Variants in SLC24A3 observed in about 807,000 individuals in gnomAD.
SLC24A3 encodes solute carrier family 24 member 3.
In SLC24A3, 28 loss-of-function variants were observed where a neutral mutation model predicts 75.8. The observed-to-expected ratio is 0.37, with a 90% CI of 0.27 to 0.51. The LOEUF (loss-of-function observed/expected upper bound fraction) is 0.51. Among genes scored for constraint, SLC24A3 ranks in the 20% least tolerant of loss-of-function variants. The pLI, the probability that SLC24A3 is intolerant of heterozygous loss-of-function variation, is 0.94. For synonymous variants in SLC24A3, 372 were observed against 334.1 expected, an observed-to-expected ratio of 1.11 and a Z score of -1.24; for missense variants, 663 against 847.8, an observed-to-expected ratio of 0.78 and a Z score of 2.71.
chr20:19,386,291 T>C (rs1248782174), intron 2 of SLC24A3, among the ~76,000 whole-genome samples: 1 of 152,232 alleles, frequency 6.6e-6, no homozygotes, highest in Admixed American at 6.5e-5. Flanking sequence ...TTACTGAATT[T>C]ATTTATCAGT....
chr20:19,348,181 G>A (rs558047768), intron 2 of SLC24A3, among the ~76,000 whole-genome samples: 13 of 152,270 alleles, frequency 8.5e-5, no homozygotes, highest in East Asian at 3.9e-4. Context: ...GTGGGGTTTC[G>A]GTTTCACACT....
At chr20:19,596,289 AT>A (rs551654159) in intron 6 of SLC24A3, among the ~76,000 whole-genome samples, 186 of 152,288 alleles carry the variant, frequency 1.2e-3, no homozygotes, top group African/African-American at 3.8e-3. Flanking sequence ...TGTCTTTAGA[AT>A]ATTTTTTGGA....
chr20:19,579,974 A>T, intron 3 of SLC24A3, 26 bp from the exon 4 acceptor site: 2 of 1,579,194 alleles, frequency 1.3e-6, no homozygotes, highest in Non-Finnish European at 1.7e-6. Context: ...CTCTAACTTT[A>T]ACCCCTTTTA....
chr20:19,526,148 G>A (rs943599433), intron 3 of SLC24A3, among the ~76,000 whole-genome samples: 3 of 152,118 alleles, frequency 2.0e-5, no homozygotes, highest in Non-Finnish European at 4.4e-5. Flanking sequence ...CCTACCCACT[G>A]AGCCATGAAG....
chr20:19,343,683 A>G (rs927959160), intron 2 of SLC24A3, among the ~76,000 whole-genome samples: 1 of 152,178 alleles, frequency 6.6e-6, no homozygotes, highest in African/African-American at 2.4e-5. Flanking sequence ...GGGTGGCACC[A>G]AGTGAGAGCA....
intron 2 of SLC24A3, among the ~76,000 whole-genome samples, chr20:19,297,876 G>A (rs2122242312): frequency 6.6e-6 from 1 of 152,352 alleles, no homozygotes; most frequent in South Asian, 2.1e-4. Flanking sequence ...TTCCAAAGCA[G>A]AACCATGAAC....
intron 6 of SLC24A3, among the ~76,000 whole-genome samples, chr20:19,615,953 A>G (rs6136795): frequency 0.61 from 92,753 of 152,032 alleles, 29,691 homozygotes; most frequent in Non-Finnish European, 0.7. Flanking sequence ...CAGACAGCCT[A>G]TGGTGGGACT....
chr20:19,547,529 T>C (rs1600275601), intron 3 of SLC24A3, among the ~76,000 whole-genome samples: 2 of 152,366 alleles, frequency 1.3e-5, no homozygotes, highest in East Asian at 3.9e-4. Flanking sequence ...TTTTGTGATA[T>C]GTAAATTATA....
intron 6 of SLC24A3, among the ~76,000 whole-genome samples, chr20:19,586,966 T>A (rs6106108): frequency 0.15 from 23,056 of 152,248 alleles, 1,884 homozygotes; most frequent in African/African-American, 0.21. Flanking sequence ...AGTATTTTTT[T>A]AAAAAATGAG....
chr20:19,299,343 T>C (rs1043273790), intron 2 of SLC24A3, among the ~76,000 whole-genome samples: 1 of 152,130 alleles, frequency 6.6e-6, no homozygotes, highest in Non-Finnish European at 1.5e-5. Flanking sequence ...TGGGCTCAGC[T>C]GAATGGGTGA....
In SLC24A3 at chr20:19,679,540, G is replaced by GGGGAGA. The variant is rs1229290713; in HGVS notation, c.768-2293_768-2288dup. 8.6e-3 allele frequency among the ~76,000 whole-genome samples: 706 copies of GGGGAGA among 81,650 alleles called. 4 individuals carry two copies. The highest frequency in any genetic ancestry group is 0.023 in the African/African-American group (631 of 27,096). 53.6% of individuals were successfully genotyped at this position (81,650 alleles called of 152,430 possible). ...GTGGGGAGAGGGAGACCGTGGGGAGGGGGAGAGGGAGAGGGAGAGGGAGAG... is the reference window on the plus strand; with the variant it reads ...GTGGGGAGAGGGAGACCGTGGGGAGGGGGAGAGGGAGAGGGAGAGGGAGAGGGAGAG... On this transcript the variant is annotated intron_variant, in intron 9 of 16. Coordinates refer to ENST00000328041, the MANE Select transcript of SLC24A3 (RefSeq NM_020689.4).
chr20:19,720,714 G>T (rs777967125), intron 16 of SLC24A3, among the ~76,000 whole-genome samples: 2 of 152,146 alleles, frequency 1.3e-5, no homozygotes, highest in Non-Finnish European at 2.9e-5. Flanking sequence ...CTTCGTGAAA[G>T]AGGGTTGGCT....
chr20:19,502,277 C>T (rs912972604), intron 2 of SLC24A3, among the ~76,000 whole-genome samples: 4 of 152,192 alleles, frequency 2.6e-5, no homozygotes, highest in African/African-American at 9.6e-5. Flanking sequence ...AGGGAGAGCC[C>T]TATAATAGAC....
chr20:19,662,820 A>G (rs2122718371), intron 7 of SLC24A3, among the ~76,000 whole-genome samples: 1 of 152,262 alleles, frequency 6.6e-6, no homozygotes, highest in Non-Finnish European at 1.5e-5. Flanking sequence ...CCTTCAGCAA[A>G]CTCAAGTGAA....
At chr20:19,531,161 G>T (rs2030291533) in intron 3 of SLC24A3, among the ~76,000 whole-genome samples, 1 of 152,036 alleles carries the variant, frequency 6.6e-6, no homozygotes, top group African/African-American at 2.4e-5. Flanking sequence ...TTGCTGCTCT[G>T]CTGTAAGCCC....
intron 2 of SLC24A3, among the ~76,000 whole-genome samples, chr20:19,431,110 G>A (rs1987093889): frequency 6.6e-6 from 1 of 152,074 alleles, no homozygotes; most frequent in Non-Finnish European, 1.5e-5. Context: ...TGGCTGGTTG[G>A]CCAATGGGAA....
chr20:19,616,864 A>C (rs750573004), intron 6 of SLC24A3, among the ~76,000 whole-genome samples: 14 of 151,966 alleles, frequency 9.2e-5, no homozygotes, highest in Non-Finnish European at 1.6e-4. Context: ...GGCCTTTTTG[A>C]TACATAGGAG....
chr20:19,682,105 A>C, intron 10 of SLC24A3, 114 bp downstream of exon 10: 6 of 1,211,976 alleles, frequency 5.0e-6, no homozygotes, highest in South Asian at 1.5e-5. Context: ...ATACAACAAA[A>C]TTAACCAGGA....
intron 12 of SLC24A3, among the ~76,000 whole-genome samples, chr20:19,685,827 G>A (rs2032669324): frequency 6.6e-6 from 1 of 152,156 alleles, no homozygotes; most frequent in Non-Finnish European, 1.5e-5. Context: ...TTAGGGAGAA[G>A]TAAGGAAGAG....
Sources: allele counts gnomAD v4.1 joint callset (sites outside exome capture counted in the v4.1 genomes callset), GRCh38; gene constraint gnomAD v4.1.1; transcripts MANE v1.5; gene names NCBI Gene and HGNC (gene_info 2026-07-23, HGNC 2026-07-21).